Variants in ACTL8 observed in about 807,000 individuals in gnomAD.
ACTL8 encodes the protein actin like 8, also known as actin-like protein 8.
In ACTL8, 3 loss-of-function variants were observed where a neutral mutation model predicts 9.3. The ratio of observed to expected loss-of-function variants is 0.32; its 90% confidence interval spans 0.15 to 0.83. The LOEUF is 0.83. Among genes scored for constraint, ACTL8 ranks in the 40% least tolerant of loss-of-function variants. The pLI is 0.57. For missense variants in ACTL8, 381 were observed against 492.2 expected (o/e 0.77, Z 2.14); for synonymous variants, 224 against 205.9 (o/e 1.09, Z -0.75).
chr1:17,809,643 T>C (rs963912914), intron 1 of ACTL8, among the ~76,000 whole-genome samples: 1 of 152,006 alleles, frequency 6.6e-6, no homozygotes, highest in Admixed American at 6.6e-5. Flanking sequence ...AACCCTGTTG[T>C]GAACTGTGCA....
intron 1 of ACTL8, among the ~76,000 whole-genome samples, chr1:17,768,746 G>A (rs879463169): frequency 1.3e-5 from 2 of 152,134 alleles, no homozygotes; most frequent in African/African-American, 4.8e-5. Context: ...CTGCAGGGGC[G>A]AAGGCCTGGA....
chr1:17,815,249 G>A (rs76076763), intron 1 of ACTL8, among the ~76,000 whole-genome samples: 46 of 152,214 alleles, frequency 3.0e-4, no homozygotes, highest in African/African-American at 6.5e-4. Flanking sequence ...AATATTTACC[G>A]TTTCTGTTTC....
chr1:17,796,473 G>A (rs909026475), intron 1 of ACTL8, among the ~76,000 whole-genome samples: 11 of 152,108 alleles, frequency 7.2e-5, no homozygotes, highest in African/African-American at 2.7e-4. Context: ...TCGGCATCAC[G>A]CCCCCACTTA....
At chr1:17,784,429 C>A (rs2066180258) in intron 1 of ACTL8, among the ~76,000 whole-genome samples, 1 of 152,164 alleles carries the variant, frequency 6.6e-6, no homozygotes, top group South Asian at 2.1e-4. Flanking sequence ...TGAACTTCTA[C>A]CTTCCATGCC....
At chr1:17,771,478 C>T (rs564895530) in intron 1 of ACTL8, among the ~76,000 whole-genome samples, 3 of 152,096 alleles carry the variant, frequency 2.0e-5, no homozygotes, top group African/African-American at 7.2e-5. Context: ...TATCATTATT[C>T]TTTTTATCTC....
At chr1:17,812,090 T>C (rs1182069179) in intron 1 of ACTL8, among the ~76,000 whole-genome samples, 1 of 152,054 alleles carries the variant, frequency 6.6e-6, no homozygotes, top group Non-Finnish European at 1.5e-5. Context: ...ACTCCTGAGC[T>C]CAAGTGATCT....
chr1:17,805,778 A>G (rs1463033854), intron 1 of ACTL8, among the ~76,000 whole-genome samples: 1 of 152,198 alleles, frequency 6.6e-6, no homozygotes, highest in Non-Finnish European at 1.5e-5. Flanking sequence ...GTTCATGGCT[A>G]TATCTGCAGA....
intron 1 of ACTL8, among the ~76,000 whole-genome samples, chr1:17,777,829 G>A (rs1321738941): frequency 6.6e-6 from 1 of 152,164 alleles, no homozygotes; most frequent in Non-Finnish European, 1.5e-5. Flanking sequence ...CTCCCGAGTA[G>A]CTGAACTACA....
chr1:17,765,676 C>T (rs1272843206), intron 1 of ACTL8, among the ~76,000 whole-genome samples: 1 of 152,192 alleles, frequency 6.6e-6, no homozygotes, highest in Non-Finnish European at 1.5e-5. Flanking sequence ...TCACCCGGCT[C>T]TCTATAAATG....
intron 1 of ACTL8, among the ~76,000 whole-genome samples, chr1:17,757,712 G>A (rs775343171): frequency 6.6e-6 from 1 of 152,150 alleles, no homozygotes; most frequent in Admixed American, 6.5e-5. Flanking sequence ...GAAAAAGAAC[G>A]ACAAGACTGG....
At chr1:17,802,368 A>G (rs1178463981) in intron 1 of ACTL8, among the ~76,000 whole-genome samples, 1 of 151,784 alleles carries the variant, frequency 6.6e-6, no homozygotes, top group East Asian at 1.9e-4. Context: ...GTGGACGTGG[A>G]GTCAGGAGTT....
intron 1 of ACTL8, among the ~76,000 whole-genome samples, chr1:17,805,377 C>CT (rs56870755): frequency 0.029 from 2,871 of 99,756 alleles, 162 homozygotes; most frequent in East Asian, 0.043. Context: ...TTTTCTTTTT[C>CT]TTTTTTTTTT....
chr1:17,817,602 G>T (rs555715689), intron 1 of ACTL8, among the ~76,000 whole-genome samples: 4 of 152,154 alleles, frequency 2.6e-5, no homozygotes, highest in African/African-American at 9.6e-5. Flanking sequence ...CCTTCCCAAG[G>T]CCTGGCCACT....
chr1:17,785,870 T>G (rs1229757458), intron 1 of ACTL8, among the ~76,000 whole-genome samples: 1 of 152,196 alleles, frequency 6.6e-6, no homozygotes, highest in East Asian at 1.9e-4. Flanking sequence ...AAAGCTTAGC[T>G]GGGTCTCCTG....
At chr1:17,776,967 T>A (rs994480122) in intron 1 of ACTL8, among the ~76,000 whole-genome samples, 71 of 122,372 alleles carry the variant, frequency 5.8e-4, no homozygotes, top group African/African-American at 2.2e-3. Context: ...TCCTGGCTAA[T>A]GATTTTTTTT....
chr1:17,802,272 A>T (rs2066327151), intron 1 of ACTL8, among the ~76,000 whole-genome samples: 1 of 152,082 alleles, frequency 6.6e-6, no homozygotes, highest in Non-Finnish European at 1.5e-5. Context: ...CGGTGTGTGG[A>T]TTCAGGTTGC....
intron 1 of ACTL8, among the ~76,000 whole-genome samples, chr1:17,814,256 A>G (rs559175995): frequency 2.0e-5 from 3 of 152,210 alleles, no homozygotes; most frequent in African/African-American, 7.2e-5. Context: ...TGGCCCTTTG[A>G]GAAGCCAAGG....
intron 1 of ACTL8, among the ~76,000 whole-genome samples, chr1:17,822,717 TGTGCAAA>T (rs2124194595): frequency 6.6e-6 from 1 of 152,054 alleles, no homozygotes; most frequent in South Asian, 2.1e-4. Context: ...GATACATGTG[TGTGCAAA>T]GTGCAGTGGG....
intron 1 of ACTL8, among the ~76,000 whole-genome samples, chr1:17,776,968 G>GTTTT (rs2066122478): frequency 1.3e-5 from 1 of 76,538 alleles, no homozygotes; most frequent in Non-Finnish European, 2.6e-5. Context: ...CCTGGCTAAT[G>GTTTT]ATTTTTTTTT....
Sources: allele counts gnomAD v4.1 joint callset (sites outside exome capture counted in the v4.1 genomes callset), GRCh38; gene constraint gnomAD v4.1.1; transcripts MANE v1.5; gene names NCBI Gene and HGNC (gene_info 2026-07-23, HGNC 2026-07-21).